The following RALYL variants were observed in gnomAD, a reference collection of about 807,000 sequenced individuals.
RALYL encodes RALY RNA binding protein like, also known as RNA-binding Raly-like protein.
In RALYL, 29 loss-of-function variants were observed where a neutral mutation model predicts 35.1. The ratio of observed to expected loss-of-function variants is 0.83; its 90% CI spans 0.61 to 1.13. RALYL has a LOEUF of 1.13. Among genes scored for constraint, RALYL ranks in the 50% most tolerant of loss-of-function variants. The pLI is 0.00. For missense variants in RALYL, 359 were observed against 360.4 expected (o/e 1.00, Z 0.03); for synonymous variants, 120 against 127.6 (o/e 0.94, Z 0.40).
chr8:84,670,446 A>T (rs1832985589), intron 2 of RALYL, among the ~76,000 whole-genome samples: 1 of 152,208 alleles, frequency 6.6e-6, no homozygotes. Context: ...TTATGTAAAA[A>T]ATTTCACAAT....
intron 3 of RALYL, among the ~76,000 whole-genome samples, chr8:84,799,873 G>A (rs562930902): frequency 4.6e-5 from 7 of 152,246 alleles, no homozygotes; most frequent in South Asian, 2.1e-4. Context: ...GGAGAATGGC[G>A]TGAACCCGGA....
At chr8:84,212,000 C>T (rs1033311419) in intron 1 of RALYL, among the ~76,000 whole-genome samples, 1 of 152,050 alleles carries the variant, frequency 6.6e-6, no homozygotes, top group Non-Finnish European at 1.5e-5. Context: ...AAGGTAAGTC[C>T]AAGGTCACAG....
At chr8:84,613,962 A>G (rs1818880719) in intron 2 of RALYL, among the ~76,000 whole-genome samples, 1 of 150,838 alleles carries the variant, frequency 6.6e-6, no homozygotes, top group Non-Finnish European at 1.5e-5. Flanking sequence ...TGGTCTAAAA[A>G]GTATAGAATC....
intron 2 of RALYL, among the ~76,000 whole-genome samples, chr8:84,542,743 C>T (rs1235171612): frequency 1.3e-5 from 2 of 152,138 alleles, no homozygotes; most frequent in Admixed American, 1.3e-4. Flanking sequence ...TTCTTCATAG[C>T]AGCATGAGAA....
At position 84,420,230 on chromosome 8, in the gene RALYL, T is replaced by C. The variant is rs1294771434; in HGVS notation, c.-23-109069T>C. Among the ~76,000 whole-genome samples, 5 of 152,072 alleles carry C rather than the reference T, an allele frequency of 3.3e-5. 1 individual carries two copies. The South Asian group carries it at 6.2e-4, about 19-fold the overall frequency. ...CTGTTGTTTCCTGACTTTTTAATGA[T>C]TGCCATTCTAACTGGTGTGAGATGG... On this transcript the variant is annotated intron_variant, in intron 1 of 8. Transcript: ENST00000521268.
At chr8:84,246,546 A>G (rs1319177142) in intron 1 of RALYL, among the ~76,000 whole-genome samples, 5 of 152,148 alleles carry the variant, frequency 3.3e-5, no homozygotes, top group Non-Finnish European at 7.4e-5. Context: ...ATTGCTATGG[A>G]AAATATGATA....
intron 2 of RALYL, among the ~76,000 whole-genome samples, chr8:84,741,642 C>T (rs1370686734): frequency 2.6e-5 from 4 of 151,950 alleles, no homozygotes; most frequent in African/African-American, 7.2e-5. Context: ...AAAGACCTGC[C>T]ACCTCTTAAT....
At chr8:84,626,285 AT>A (rs1431486491) in intron 2 of RALYL, among the ~76,000 whole-genome samples, 2 of 152,292 alleles carry the variant, frequency 1.3e-5, no homozygotes, top group Middle Eastern at 3.4e-3. Context: ...AGGCGGCGGC[AT>A]TTGTGCGCCT....
At chr8:84,735,314 T>A (rs573660993) in intron 2 of RALYL, among the ~76,000 whole-genome samples, 12 of 151,962 alleles carry the variant, frequency 7.9e-5, no homozygotes, top group Non-Finnish European at 1.5e-4. Context: ...TAATAAAGGA[T>A]AAAAGGAAAA....
intron 1 of RALYL, among the ~76,000 whole-genome samples, chr8:84,425,215 A>G (rs914772712): frequency 1.3e-5 from 2 of 152,022 alleles, no homozygotes; most frequent in South Asian, 4.1e-4. Flanking sequence ...CCGTGGGCAT[A>G]GGACCCTCCG....
At chr8:84,485,241 A>G (rs2054483206) in intron 1 of RALYL, among the ~76,000 whole-genome samples, 2 of 152,100 alleles carry the variant, frequency 1.3e-5, no homozygotes, top group Admixed American at 1.3e-4. Flanking sequence ...TAGCTCCTTG[A>G]TGTCAGCACC....
chr8:84,345,875 A>G (rs1849749360), intron 1 of RALYL, among the ~76,000 whole-genome samples: 1 of 152,020 alleles, frequency 6.6e-6, no homozygotes, highest in East Asian at 1.9e-4. Flanking sequence ...TGCCGTGGAA[A>G]AGTTTAGGTA....
intron 2 of RALYL, among the ~76,000 whole-genome samples, chr8:84,621,885 A>G (rs894863313): frequency 1.3e-5 from 2 of 152,180 alleles, no homozygotes; most frequent in Non-Finnish European, 2.9e-5. Flanking sequence ...TAATTTAGCC[A>G]TTATTTTCAA....
intron 1 of RALYL, among the ~76,000 whole-genome samples, chr8:84,412,584 C>G (rs571171005): frequency 1.7e-4 from 26 of 151,996 alleles, no homozygotes; most frequent in African/African-American, 4.6e-4. Flanking sequence ...TACTGAGGTT[C>G]CATTTTTATT....
chr8:84,720,968 T>C (rs1156819983), intron 2 of RALYL, among the ~76,000 whole-genome samples: 2 of 151,962 alleles, frequency 1.3e-5, no homozygotes, highest in Non-Finnish European at 2.9e-5. Flanking sequence ...ATGGGTATTA[T>C]TAAAAAGACA....
intron 1 of RALYL, among the ~76,000 whole-genome samples, chr8:84,206,734 T>C (rs569443772): frequency 6.6e-6 from 1 of 152,222 alleles, no homozygotes; most frequent in East Asian, 1.9e-4. Flanking sequence ...AAAGAGATTG[T>C]GGCGCGACAT....
intron 2 of RALYL, among the ~76,000 whole-genome samples, chr8:84,747,527 G>A (rs1013553206): frequency 2.6e-5 from 4 of 151,724 alleles, no homozygotes; most frequent in Non-Finnish European, 5.9e-5. Context: ...TGTAACTTTA[G>A]TACATCTGAT....
intron 1 of RALYL, among the ~76,000 whole-genome samples, chr8:84,401,757 T>C (rs2042936746): frequency 6.7e-6 from 1 of 148,682 alleles, no homozygotes; most frequent in African/African-American, 2.5e-5. Flanking sequence ...AAAAGATCAA[T>C]AGCACTGTTT....
chr8:84,390,747 G>A (rs958887641), intron 1 of RALYL, among the ~76,000 whole-genome samples: 1 of 151,794 alleles, frequency 6.6e-6, no homozygotes, highest in African/African-American at 2.4e-5. Context: ...CATAAAGCTA[G>A]CAAATTACTT....
Sources: gnomAD v4.1 joint callset for allele counts (sites outside exome capture counted in the v4.1 genomes callset) on GRCh38, gnomAD v4.1.1 for gene constraint, MANE v1.5 for transcripts, NCBI Gene and HGNC (gene_info 2026-07-23, HGNC 2026-07-21) for gene names.